The following PCDH9 variants were observed in gnomAD, a reference collection of about 807,000 sequenced individuals.
PCDH9 encodes the protein protocadherin 9.
In PCDH9, 24 loss-of-function variants were observed where a neutral mutation model predicts 70.6. The ratio of observed to expected loss-of-function variants is 0.34; its 90% CI spans 0.25 to 0.48. The LOEUF (loss-of-function observed/expected upper bound fraction) is 0.48. Among genes scored for constraint, PCDH9 ranks in the 20% least tolerant of loss-of-function variants. The pLI, the probability that PCDH9 is intolerant of heterozygous loss-of-function variation, is 0.99. For synonymous variants in PCDH9, 562 were observed against 558.5 expected, an observed-to-expected ratio of 1.01 and a Z score of -0.09; for missense variants, 1,281 against 1,503.6, an observed-to-expected ratio of 0.85 and a Z score of 2.45.
chr13:66,626,026 A>G (rs1389559533), intron 4 of PCDH9, among the ~76,000 whole-genome samples: 1 of 152,150 alleles, frequency 6.6e-6, no homozygotes, highest in Non-Finnish European at 1.5e-5. Flanking sequence ...AACAGTAGGA[A>G]AGTAGTTAAT....
chr13:67,175,946 T>TAAAAAAA, intron 2 of PCDH9, among the ~76,000 whole-genome samples: 1 of 146,544 alleles, frequency 6.8e-6, no homozygotes, highest in East Asian at 2.0e-4. Flanking sequence ...AGTAAACCAT[T>TAAAAAAA]AAAAAAAAAA....
chr13:66,934,263 G>T (rs1210016513), intron 2 of PCDH9, among the ~76,000 whole-genome samples: 1 of 152,112 alleles, frequency 6.6e-6, no homozygotes, highest in Non-Finnish European at 1.5e-5. Flanking sequence ...CGGGTGCGGT[G>T]ACTCCCATCT....
chr13:67,226,677 A>G lies in PCDH9; in HGVS notation c.1764T>C (p.Tyr588=), dbSNP rs756936279. The change falls in exon 2 of 5, where the codon TAT becomes TAC. Residue 588 remains tyrosine (Y), a synonymous_variant. Transcript: ENST00000377865. The surrounding 1 kb of genome is among the most constrained non-coding windows in gnomAD (Gnocchi z 5.0). Reference sequence around the variant, plus strand: ...TCACTGTGATTACCCCCACAGTACTATACTTTGGCAGATTCTCAGACACAA... The same window carrying G: ...TCACTGTGATTACCCCCACAGTACTGTACTTTGGCAGATTCTCAGACACAA... ...QFFVSENLPK[Y]STVGVITVTD... 18 of 1,613,452 alleles carry G rather than the reference A, an allele frequency of 1.1e-5. No individual in the cohort carries two copies. Among genetic ancestry groups the G allele is most frequent in the Non-Finnish European group, 1.4e-5 (17 of 1,179,462 alleles).
intron 4 of PCDH9, among the ~76,000 whole-genome samples, chr13:66,607,456 T>C (rs892395709): frequency 1.3e-5 from 2 of 152,100 alleles, no homozygotes; most frequent in Middle Eastern, 3.2e-3. Flanking sequence ...TACAGTCTTC[T>C]GAGTAAAACA....
At chr13:67,162,795 CTG>C (rs1016808891) in intron 2 of PCDH9, among the ~76,000 whole-genome samples, 1 of 151,744 alleles carries the variant, frequency 6.6e-6, no homozygotes, top group Non-Finnish European at 1.5e-5. Flanking sequence ...AAAAAGATAA[CTG>C]TTGAATATAC....
At chr13:66,933,048 T>G (rs1344283125) in intron 2 of PCDH9, among the ~76,000 whole-genome samples, 2 of 151,864 alleles carry the variant, frequency 1.3e-5, no homozygotes, top group Non-Finnish European at 2.9e-5. Context: ...AGTAAAAATT[T>G]TAGAAGTATT....
intron 3 of PCDH9, among the ~76,000 whole-genome samples, chr13:66,753,729 G>A (rs569195688): frequency 1.6e-4 from 24 of 152,154 alleles, no homozygotes; most frequent in African/African-American, 3.6e-4. Flanking sequence ...GTTTCAGTGC[G>A]TTGATCCAAA....
intron 4 of PCDH9, among the ~76,000 whole-genome samples, chr13:66,621,266 A>G (rs941680184): frequency 6.6e-6 from 1 of 152,190 alleles, no homozygotes; most frequent in African/African-American, 2.4e-5. Flanking sequence ...CTATCTTGAT[A>G]CAGACATACT....
intron 2 of PCDH9, chr13:67,213,878 C>G (rs1258321946): frequency 6.6e-6 from 1 of 152,170 alleles, no homozygotes; most frequent in Non-Finnish European, 1.5e-5. Flanking sequence ...TTAATTTATT[C>G]AATCAAAATC....
chr13:67,121,350 A>G (rs532241516), intron 2 of PCDH9, among the ~76,000 whole-genome samples: 2 of 152,326 alleles, frequency 1.3e-5, no homozygotes, highest in African/African-American at 4.8e-5. Context: ...TCATTTTAAA[A>G]TGTGTTGAAC....
At chr13:66,353,138 A>G (rs1372426372) in intron 4 of PCDH9, among the ~76,000 whole-genome samples, 4 of 151,994 alleles carry the variant, frequency 2.6e-5, no homozygotes, top group Non-Finnish European at 5.9e-5. Context: ...CCCTCTTTTG[A>G]TTTTTCTTGT....
chr13:67,128,863 T>C (rs1222893189), intron 2 of PCDH9, among the ~76,000 whole-genome samples: 1 of 152,124 alleles, frequency 6.6e-6, no homozygotes, highest in Non-Finnish European at 1.5e-5. Flanking sequence ...CAGTGGTACA[T>C]GAATTTAATG....
rs376583062 is a variant in PCDH9 at position 67,226,477 on chromosome 13, C to A, written c.1964G>T (p.Arg655Leu). ...VKATDGGQPP[R>L]SSTAKVTINV... ...GATAGTTACTTTTGCAGTAGAGGAACGAGGTGGTTGTCCTCCATCAGTGGC... is the reference window on the plus strand; with the variant it reads ...GATAGTTACTTTTGCAGTAGAGGAAAGAGGTGGTTGTCCTCCATCAGTGGC... The change falls in exon 2 of 5, where the codon CGT becomes CTT. Residue 655 changes from arginine to leucine, a missense_variant. By Grantham distance (102) the Arg-to-Leu change is moderately radical. Coordinates refer to ENST00000377865, the MANE Select transcript of PCDH9 (RefSeq NM_203487.3). The surrounding 1 kb of genome is among the most constrained non-coding windows in gnomAD (Gnocchi z 5.0). The A allele has an allele frequency of 3.7e-6, 6 of 1,613,822 alleles. No individual in the cohort carries two copies. The Admixed American group carries it at 5.0e-5, about 13-fold the overall frequency.
chr13:66,719,233 C>T (rs1436715007), intron 3 of PCDH9, among the ~76,000 whole-genome samples: 5 of 151,362 alleles, frequency 3.3e-5, no homozygotes, highest in African/African-American at 9.8e-5. Context: ...TTAATATTCC[C>T]GTGAGTCAAT....
intron 3 of PCDH9, among the ~76,000 whole-genome samples, chr13:66,810,497 C>A (rs1594090544): frequency 2.0e-5 from 3 of 151,872 alleles, no homozygotes; most frequent in Admixed American, 6.6e-5. Flanking sequence ...TTATAATATT[C>A]TTGGGAATAT....
At chr13:66,323,664 T>C (rs1955792771) in intron 4 of PCDH9, 1 of 151,614 alleles carries the variant, frequency 6.6e-6, no homozygotes, top group African/African-American at 2.4e-5. Context: ...TTCCTTTTAT[T>C]GGTTTTGTTT....
intron 2 of PCDH9, chr13:66,985,728 C>T (rs971974523): frequency 1.3e-5 from 2 of 152,060 alleles, no homozygotes; most frequent in Non-Finnish European, 2.9e-5. Flanking sequence ...CTAATCTTCT[C>T]TCAACTACAA....
At chr13:66,683,915 A>AT (rs2078363429) in intron 3 of PCDH9, among the ~76,000 whole-genome samples, 2 of 152,168 alleles carry the variant, frequency 1.3e-5, no homozygotes, top group Admixed American at 6.5e-5. Flanking sequence ...GTACTCCCTC[A>AT]TATAATTTAT....
chr13:67,105,614 C>CT, intron 2 of PCDH9, among the ~76,000 whole-genome samples: 1 of 152,036 alleles, frequency 6.6e-6, no homozygotes, highest in Non-Finnish European at 1.5e-5. Context: ...GATGCAGCAT[C>CT]TTTTTAAAAC....
Sources: gnomAD v4.1 joint callset for allele counts (sites outside exome capture counted in the v4.1 genomes callset) on GRCh38, gnomAD v4.1.1 for gene constraint, Gnocchi (gnomAD v3.1) non-coding constraint, MANE v1.5 for transcripts, NCBI Gene and HGNC (gene_info 2026-07-23, HGNC 2026-07-21) for gene names.